PLXNA4: variants seen among roughly 807,000 people sequenced by gnomAD.
The protein encoded by PLXNA4 is plexin A4.
Under a neutral mutation model 191.8 loss-of-function variants are expected in PLXNA4, and 44 were observed. The observed-to-expected ratio is 0.23, with a 90% CI of 0.18 to 0.29. The LOEUF is 0.29. PLXNA4 is among the 10% of genes least tolerant of loss of function. The pLI, the probability that PLXNA4 is intolerant of heterozygous loss-of-function variation, is 1.00. For missense variants in PLXNA4, 1,800 were observed against 2,488.8 expected (o/e 0.72, Z 5.89); for synonymous variants, 1,082 against 1,009.5 (o/e 1.07, Z -1.36).
chr7:132,280,876 T>A (rs1472227210), intron 4 of PLXNA4, among the ~76,000 whole-genome samples: 1 of 152,190 alleles, frequency 6.6e-6, no homozygotes, highest in Non-Finnish European at 1.5e-5. Context: ...GACTGCACAC[T>A]TCATAGTAAA....
intron 23 of PLXNA4, 29 bp downstream of exon 23, chr7:132,165,105 G>A: frequency 6.2e-7 from 1 of 1,608,438 alleles, no homozygotes; most frequent in Non-Finnish European, 8.5e-7. Flanking sequence ...ACGAGGCAAG[G>A]CCAGAAATAC....
chr7:132,404,822 T>C (rs771547156), intron 3 of PLXNA4, among the ~76,000 whole-genome samples: 25 of 152,070 alleles, frequency 1.6e-4, no homozygotes, highest in Non-Finnish European at 2.8e-4. Flanking sequence ...ACTACTACTA[T>C]TATTATCCCT....
At chr7:132,204,219 G>C (rs1797537720) in intron 10 of PLXNA4, among the ~76,000 whole-genome samples, 1 of 152,246 alleles carries the variant, frequency 6.6e-6, no homozygotes, top group Non-Finnish European at 1.5e-5. Context: ...AGGGTGGAGA[G>C]AAGAGGGAGG....
chr7:132,443,068 T>A (rs1020788562), intron 3 of PLXNA4, among the ~76,000 whole-genome samples: 1 of 152,186 alleles, frequency 6.6e-6, no homozygotes, highest in South Asian at 2.1e-4. Context: ...AAGCCTGAGA[T>A]CATGGTACAG....
chr7:132,194,582 C>T (rs1448746847), intron 13 of PLXNA4, among the ~76,000 whole-genome samples: 2 of 152,236 alleles, frequency 1.3e-5, no homozygotes, highest in East Asian at 3.9e-4. Flanking sequence ...GAACTTGGAA[C>T]AGACCTAAGG....
At chr7:132,188,764 C>T (rs912119081) in intron 14 of PLXNA4, among the ~76,000 whole-genome samples, 3 of 151,950 alleles carry the variant, frequency 2.0e-5, no homozygotes, top group Non-Finnish European at 4.4e-5. Flanking sequence ...CCTTTCTCAG[C>T]TCTGCCTGGA....
intron 12 of PLXNA4, among the ~76,000 whole-genome samples, chr7:132,199,578 C>T (rs1797366092): frequency 6.6e-6 from 1 of 152,166 alleles, no homozygotes; most frequent in East Asian, 1.9e-4. Context: ...TTCCTGGTGC[C>T]TATGAGCACC....
intron 14 of PLXNA4, 117 bp from the exon 15 acceptor site, chr7:132,187,724 T>C (rs2116778276): frequency 6.9e-7 from 1 of 1,459,164 alleles, no homozygotes. Flanking sequence ...TTGGTAACAG[T>C]GGTCTCCCAG....
At chr7:132,370,660 C>T (rs1160322973) in intron 3 of PLXNA4, among the ~76,000 whole-genome samples, 1 of 152,084 alleles carries the variant, frequency 6.6e-6, no homozygotes, top group East Asian at 1.9e-4. Context: ...GTTTCTATTC[C>T]AATCATATCA....
chr7:132,274,759 G>A (rs959841509), intron 4 of PLXNA4, among the ~76,000 whole-genome samples: 1 of 141,740 alleles, frequency 7.1e-6, no homozygotes, highest in South Asian at 2.3e-4. Context: ...GCCCTTCTCA[G>A]TGCATCCTTT....
At chr7:132,617,999 T>G (rs963016556) in intron 2 of PLXNA4, among the ~76,000 whole-genome samples, 1 of 152,136 alleles carries the variant, frequency 6.6e-6, no homozygotes, top group Non-Finnish European at 1.5e-5. Context: ...AGGCCCACTT[T>G]CCAGGCAGGA....
intron 5 of PLXNA4, among the ~76,000 whole-genome samples, chr7:132,230,421 C>T (rs1421630173): frequency 6.6e-6 from 1 of 152,206 alleles, no homozygotes; most frequent in Non-Finnish European, 1.5e-5. Context: ...TTTTGCCTGG[C>T]ACTGGGAAGC....
At chr7:132,554,446 T>C (rs1440225013) in intron 1 of PLXNA4, among the ~76,000 whole-genome samples, 1 of 152,210 alleles carries the variant, frequency 6.6e-6, no homozygotes, top group Admixed American at 6.5e-5. Context: ...GTCTCCAAGC[T>C]TTTGTTCCCT....
At chr7:132,233,910 C>T (rs1223589689) in intron 5 of PLXNA4, among the ~76,000 whole-genome samples, 1 of 131,486 alleles carries the variant, frequency 7.6e-6, no homozygotes, top group Non-Finnish European at 1.6e-5. Flanking sequence ...CGTTTTTTTC[C>T]AGATGATCCC....
chr7:132,233,243 T>C (rs1370023258), intron 5 of PLXNA4, among the ~76,000 whole-genome samples: 1 of 152,212 alleles, frequency 6.6e-6, no homozygotes, highest in Non-Finnish European at 1.5e-5. Context: ...GAGACTAGAA[T>C]TCCTAATTCA....
intron 2 of PLXNA4, among the ~76,000 whole-genome samples, chr7:132,607,774 A>T (rs1275054660): frequency 6.6e-6 from 1 of 152,202 alleles, no homozygotes; most frequent in African/African-American, 2.4e-5. Flanking sequence ...CATCATCATT[A>T]TCACCATCAC....
intron 25 of PLXNA4, among the ~76,000 whole-genome samples, chr7:132,154,098 G>C (rs1002441894): frequency 6.6e-6 from 1 of 152,100 alleles, no homozygotes; most frequent in African/African-American, 2.4e-5. Flanking sequence ...TCTTACCTTG[G>C]GGGCACTGTG....
chr7:132,475,289 C>T (rs1797079579), intron 3 of PLXNA4, among the ~76,000 whole-genome samples: 1 of 152,126 alleles, frequency 6.6e-6, no homozygotes, highest in African/African-American at 2.4e-5. Context: ...GGAGGAAGCA[C>T]ATTGATTTCC....
chr7:132,518,088 G>A (rs563446566), intron 1 of PLXNA4, among the ~76,000 whole-genome samples: 2 of 152,110 alleles, frequency 1.3e-5, no homozygotes, highest in Admixed American at 6.5e-5. Flanking sequence ...CCCATCTAGG[G>A]CCCAATCATG....
Sources: allele counts gnomAD v4.1 joint callset (sites outside exome capture counted in the v4.1 genomes callset), GRCh38; gene constraint gnomAD v4.1.1; transcripts MANE v1.5; gene names NCBI Gene and HGNC (gene_info 2026-07-23, HGNC 2026-07-21).